The following PPP2R5C variants were observed in gnomAD, a reference collection of about 807,000 sequenced individuals.
PPP2R5C encodes the protein protein phosphatase 2 regulatory subunit B'gamma, also known as serine/threonine-protein phosphatase 2A 56 kDa regulatory subunit gamma isoform.
In PPP2R5C, 7 loss-of-function variants were observed where a neutral mutation model predicts 68.9. That is an observed-to-expected ratio of 0.10 (90% CI 0.06 to 0.19). The LOEUF (loss-of-function observed/expected upper bound fraction) is 0.19, where lower values mean the gene tolerates loss of function less well. Among genes scored for constraint, PPP2R5C ranks in the 10% least tolerant of loss-of-function variants. PPP2R5C has a pLI of 1.00. For synonymous variants in PPP2R5C, 210 were observed against 222.2 expected (o/e 0.95, Z 0.49); for missense variants, 348 against 641.3 (o/e 0.54, Z 4.94).
chr14:101,880,611 C>T (rs181471156), intron 2 of PPP2R5C, among the ~76,000 whole-genome samples: 32 of 152,186 alleles, frequency 2.1e-4, no homozygotes, highest in Middle Eastern at 3.4e-3. Context: ...GCATGGGCAA[C>T]GTAGCGAGTT....
intron 1 of PPP2R5C, chr14:101,824,214 C>A: frequency 8.3e-7 from 1 of 1,199,034 alleles, no homozygotes; most frequent in South Asian, 1.4e-5. Flanking sequence ...ATGAGTAATT[C>A]TTAGGATTTA....
At chr14:101,842,535 G>A (rs1373494251) in intron 1 of PPP2R5C, among the ~76,000 whole-genome samples, 1 of 152,182 alleles carries the variant, frequency 6.6e-6, no homozygotes, top group African/African-American at 2.4e-5. Context: ...AGGTGTGCTG[G>A]TGACAGGCAT....
intron 2 of PPP2R5C, among the ~76,000 whole-genome samples, chr14:101,875,699 A>C (rs937693509): frequency 3.3e-5 from 5 of 152,212 alleles, no homozygotes; most frequent in African/African-American, 1.2e-4. Flanking sequence ...ATCTCCCTTT[A>C]AGACTGCTAC....
At chr14:101,771,425 T>C (rs1246036228) in intron 2 of PPP2R5C, among the ~76,000 whole-genome samples, 1 of 152,016 alleles carries the variant, frequency 6.6e-6, no homozygotes, top group Non-Finnish European at 1.5e-5. Context: ...ATCTTGTATA[T>C]ATTTCCTTAA....
At chr14:101,778,319 C>A (rs2037519359) in intron 2 of PPP2R5C, among the ~76,000 whole-genome samples, 1 of 151,994 alleles carries the variant, frequency 6.6e-6, no homozygotes. Flanking sequence ...GGATACTAGA[C>A]CCTTATATAA....
intron 3 of PPP2R5C, among the ~76,000 whole-genome samples, chr14:101,792,517 A>G (rs2038405845): frequency 6.6e-6 from 1 of 152,210 alleles, no homozygotes; most frequent in African/African-American, 2.4e-5. Flanking sequence ...GTTATCTTGA[A>G]ATGGAGCTCC....
intron 1 of PPP2R5C, among the ~76,000 whole-genome samples, chr14:101,847,099 T>G (rs2041872312): frequency 6.6e-6 from 1 of 152,214 alleles, no homozygotes. Context: ...TTAAATTACC[T>G]GAGTTTGTTT....
At chr14:101,786,309 A>G in intron 3 of PPP2R5C, 126 bp downstream of exon 3, 9 of 800,596 alleles carry the variant, frequency 1.1e-5, no homozygotes, top group Non-Finnish European at 9.1e-6. Flanking sequence ...TTCTGTATTG[A>G]GGGGTTTTTT....
chr14:101,823,989 T>C (rs2040244584), intron 1 of PPP2R5C: 1 of 1,289,082 alleles, frequency 7.8e-7, no homozygotes, highest in South Asian at 1.2e-5. Flanking sequence ...AATTAACTTA[T>C]CTGAGCCTTA....
intron 1 of PPP2R5C, among the ~76,000 whole-genome samples, chr14:101,826,338 C>T (rs2040397605): frequency 6.6e-6 from 1 of 152,158 alleles, no homozygotes; most frequent in African/African-American, 2.4e-5. Context: ...GGTAAGGGTC[C>T]AACTTCCTTT....
chr14:101,849,776 G>A (rs1002941674), intron 1 of PPP2R5C, among the ~76,000 whole-genome samples: 1 of 127,764 alleles, frequency 7.8e-6, no homozygotes, highest in African/African-American at 3.0e-5. Context: ...ACAACGTGTT[G>A]AAAGGCCGAC....
chr14:101,925,407 G>T, exon 14 of PPP2R5C: 1 of 1,384,778 alleles, frequency 7.2e-7, no homozygotes, highest in Non-Finnish European at 9.5e-7. Context: ...AATAACGTGC[G>T]TCCGCCTCAG....
At chr14:101,821,436 GGGGGGT>G (rs1337675369) in intron 1 of PPP2R5C, among the ~76,000 whole-genome samples, 18 of 117,910 alleles carry the variant, frequency 1.5e-4, no homozygotes, top group African/African-American at 5.8e-4. Context: ...TTCTCCCTGT[GGGGGGT>G]GGGTGGGTGG....
chr14:101,803,801 A>T (rs1471156529), intron 3 of PPP2R5C, among the ~76,000 whole-genome samples: 1 of 152,166 alleles, frequency 6.6e-6, no homozygotes, highest in Non-Finnish European at 1.5e-5. Context: ...AATCTGCAGG[A>T]CATTGGTCTT....
At chr14:101,925,054 G>A (rs974627800) in intron 13 of PPP2R5C, 87 bp from the exon 16 acceptor site, 2 of 1,491,878 alleles carry the variant, frequency 1.3e-6, no homozygotes, top group Admixed American at 1.7e-5. Context: ...CGTGCCTCGC[G>A]GTTATCCTTT....
chr14:101,830,633 C>T (rs547053916), intron 1 of PPP2R5C, among the ~76,000 whole-genome samples: 3 of 152,284 alleles, frequency 2.0e-5, no homozygotes, highest in South Asian at 2.1e-4. Flanking sequence ...TTTTAAGTAC[C>T]ACTCTAGCAG....
chr14:101,925,832 TATTTTCTA>T (rs1177563622), exon 14 of PPP2R5C: 4 of 152,672 alleles, frequency 2.6e-5, no homozygotes, highest in African/African-American at 9.7e-5. Context: ...CAGCCGCTGG[TATTTTCTA>T]AGGGGTCTCT....
At position 101,917,059 on chromosome 14, in the gene PPP2R5C, AC is replaced by A. The variant is rs1439403115; in HGVS notation, c.1327-771del. Among the ~76,000 whole-genome samples the A allele has an allele frequency of 1.3e-5, 2 of 151,870 alleles. No homozygotes were observed. Among genetic ancestry groups the A allele is most frequent in the Non-Finnish European group, 2.9e-5 (2 of 68,016 alleles). The stretch of plus-strand genomic sequence containing the variant: ...CCCTCAGAGCCAGCAGACGCTCGTC[AC>A]AGTCATACTGTCCTGTGCACCCTGT... On this transcript the variant is annotated intron_variant, in intron 12 of 13. Coordinates refer to ENST00000334743, the Ensembl canonical transcript of PPP2R5C. This position sits in a 1 kb window ranked among gnomAD's most constrained non-coding sequence, Gnocchi z 4.4.
chr14:101,877,551 ATCCAGGTAGCATGGCAG>A lies in PPP2R5C; in HGVS notation c.295-4608_295-4592del, dbSNP rs935270571. Among the ~76,000 whole-genome samples the A allele has an allele frequency of 4.6e-5, 7 of 152,128 alleles. No homozygotes were observed. The highest frequency in any genetic ancestry group is 2.0e-4 in the Admixed American group (3 of 15,278). ...CTGTTTCCTCAGACCGGATCCATGC[ATCCAGGTAGCATGGCAG>A]TGACATTTGCACACAGACATCAGCA... On this transcript the variant is annotated intron_variant, in intron 2 of 13. Coordinates refer to ENST00000334743, the Ensembl canonical transcript of PPP2R5C. This position sits in a 1 kb window ranked among gnomAD's most constrained non-coding sequence, Gnocchi z 4.2.
Sources: allele counts gnomAD v4.1 joint callset (sites outside exome capture counted in the v4.1 genomes callset), GRCh38; gene constraint gnomAD v4.1.1; non-coding constraint Gnocchi (gnomAD v3.1); transcripts MANE v1.5; gene names NCBI Gene and HGNC (gene_info 2026-07-23, HGNC 2026-07-21).